The following MEGF10 variants were observed in gnomAD, a reference collection of about 807,000 sequenced individuals.
MEGF10 encodes multiple EGF like domains 10, also known as multiple epidermal growth factor-like domains protein 10.
A neutral mutation model predicts 147.5 loss-of-function variants in MEGF10; 86 were observed. That is an observed-to-expected ratio of 0.58 (90% CI 0.49 to 0.70). The LOEUF is 0.70. MEGF10 is among the 30% of genes least tolerant of loss of function. The probability of loss-of-function intolerance (pLI) is 0.00; values close to 1 mark genes in which losing one functional copy is unlikely to be tolerated. For missense variants in MEGF10, 1,329 were observed against 1,487.3 expected, an observed-to-expected ratio of 0.89 and a Z score of 1.75; for synonymous variants, 478 against 525.5, an observed-to-expected ratio of 0.91 and a Z score of 1.24.
At chr5:127,295,008 G>A (rs1759435879) in intron 1 of MEGF10, among the ~76,000 whole-genome samples, 2 of 152,012 alleles carry the variant, frequency 1.3e-5, no homozygotes, top group Non-Finnish European at 2.9e-5. Context: ...ACGTGTCAGA[G>A]CACTGGAAAG....
At chr5:127,263,081 T>C in the MEGF10 span, among the ~76,000 whole-genome samples, 1 of 152,156 alleles carries the variant, frequency 6.6e-6, no homozygotes, top group Non-Finnish European at 1.5e-5. Context: ...TTGTCTACCT[T>C]TAAAGGTATA....
chr5:127,387,591 C>G (rs1763479670), intron 5 of MEGF10, among the ~76,000 whole-genome samples: 2 of 152,156 alleles, frequency 1.3e-5, no homozygotes, highest in Non-Finnish European at 2.9e-5. Context: ...TTGGGGTGTT[C>G]AGCGTGGCAT....
At chr5:127,434,513 G>GGTTCCTTT (rs1765490493) in intron 14 of MEGF10, among the ~76,000 whole-genome samples, 174 bp from the exon 15 acceptor site, 1 of 152,056 alleles carries the variant, frequency 6.6e-6, no homozygotes. Flanking sequence ...CTCATTAAAG[G>GGTTCCTTT]GTTCCTTTGT....
chr5:127,380,192 T>C (rs1416831141), intron 5 of MEGF10, among the ~76,000 whole-genome samples: 1 of 152,058 alleles, frequency 6.6e-6, no homozygotes, highest in African/African-American at 2.4e-5. Context: ...GGGCACTCAG[T>C]TATGCTTAAT....
chr5:127,446,538 T>G (rs1765947463), intron 20 of MEGF10, among the ~76,000 whole-genome samples: 1 of 152,256 alleles, frequency 6.6e-6, no homozygotes, highest in Non-Finnish European at 1.5e-5. Context: ...AGCAGTTATC[T>G]GTGGATACTG....
At chr5:127,395,584 C>G (rs1378086250) in intron 5 of MEGF10, among the ~76,000 whole-genome samples, 1 of 142,404 alleles carries the variant, frequency 7.0e-6, no homozygotes, top group Admixed American at 7.2e-5. Context: ...TTGCTCTGTC[C>G]CCCAGGCTGG....
upstream of MEGF10, among the ~76,000 whole-genome samples, chr5:127,286,431 A>C (rs1414905543): frequency 6.6e-6 from 1 of 152,084 alleles, no homozygotes; most frequent in Non-Finnish European, 1.5e-5. Context: ...AAATATGTAA[A>C]ACATTATGTA....
intron 7 of MEGF10, among the ~76,000 whole-genome samples, chr5:127,401,568 GC>G (rs1764135731): frequency 6.6e-6 from 1 of 152,124 alleles, no homozygotes; most frequent in Admixed American, 6.5e-5. Flanking sequence ...ATTTCAGAGT[GC>G]CCACAGTCTG....
chr5:127,280,405 G>A, the MEGF10 span, among the ~76,000 whole-genome samples: 2 of 152,098 alleles, frequency 1.3e-5, no homozygotes, highest in African/African-American at 4.8e-5. Context: ...TACATGAAGT[G>A]TGTGCTCAGC....
At chr5:127,347,101 C>G (rs940044707) in intron 4 of MEGF10, among the ~76,000 whole-genome samples, 1 of 151,966 alleles carries the variant, frequency 6.6e-6, no homozygotes, top group African/African-American at 2.4e-5. Flanking sequence ...GATTTTGGAG[C>G]ATTTTGGCTT....
Position 127,460,847 on chromosome 5 carries a change from T to C in MEGF10, c.*3529T>C, listed in dbSNP as rs932609556. ...TTTTGGTCTTAAAGGCTTCACATCATGAAAGTGTACATGCATATGCAAGTG... is the reference window on the plus strand; with the variant it reads ...TTTTGGTCTTAAAGGCTTCACATCACGAAAGTGTACATGCATATGCAAGTG... On this transcript the variant is annotated 3_prime_UTR_variant, in exon 25 of 25. Transcript: ENST00000503335. 6.6e-6 allele frequency: 1 copy of C among 151,848 alleles called. No homozygotes were observed. Among genetic ancestry groups the C allele is most frequent in the Non-Finnish European group, 1.5e-5 (1 of 67,958 alleles). 9.4% of individuals were successfully genotyped at this position (151,848 alleles called of 1,614,324 possible). A position where few individuals can be genotyped will look rare whatever the true frequency, so the allele number is the denominator to read the frequency against.
chr5:127,407,902 A>G (rs1420259362), intron 8 of MEGF10, among the ~76,000 whole-genome samples: 2 of 152,260 alleles, frequency 1.3e-5, no homozygotes, highest in Admixed American at 1.3e-4. Context: ...AGAAGTAGAC[A>G]TAACTATTAT....
the MEGF10 span, among the ~76,000 whole-genome samples, chr5:127,261,132 T>C: frequency 6.6e-6 from 1 of 152,220 alleles, no homozygotes; most frequent in African/African-American, 2.4e-5. Context: ...ATTTAAAATA[T>C]ATAATGCAAT....
intron 1 of MEGF10, among the ~76,000 whole-genome samples, chr5:127,304,554 C>A (rs1816059): frequency 0.6 from 91,514 of 152,096 alleles, 27,953 homozygotes; most frequent in Middle Eastern, 0.66. Context: ...AGGGCAGTGG[C>A]ATCGTCTCAG....
At chr5:127,342,269 A>G (rs1487602666) in intron 4 of MEGF10, among the ~76,000 whole-genome samples, 2 of 152,152 alleles carry the variant, frequency 1.3e-5, no homozygotes, top group African/African-American at 4.8e-5. Context: ...CAGGCTGGCC[A>G]TTTCCCAGAG....
At chr5:127,239,518 TTA>T in the MEGF10 span, among the ~76,000 whole-genome samples, 1 of 146,314 alleles carries the variant, frequency 6.8e-6, no homozygotes, top group Non-Finnish European at 1.5e-5. Flanking sequence ...TGTATATACT[TTA>T]TATATATATA....
At chr5:127,263,152 A>G in the MEGF10 span, among the ~76,000 whole-genome samples, 1 of 152,144 alleles carries the variant, frequency 6.6e-6, no homozygotes, top group Non-Finnish European at 1.5e-5. Flanking sequence ...CTTTTAAAAG[A>G]AGGAAAGAAA....
chr5:127,370,874 A>T lies in MEGF10; in HGVS notation c.412+872A>T, dbSNP rs1005210529. Among the ~76,000 whole-genome samples, 5 of 152,328 alleles carry T rather than the reference A, an allele frequency of 3.3e-5. No individual in the cohort carries two copies. The East Asian group carries it at 9.6e-4, about 29-fold the overall frequency. ...TAAATTGTAATGCGTGAAACATTAC[A>T]TTTTGAAAAAGGAAGCCATCGTTTT... On this transcript the variant is annotated intron_variant, in intron 5 of 24. Coordinates refer to ENST00000503335, the MANE Select transcript of MEGF10 (RefSeq NM_001256545.2).
At chr5:127,388,245 C>A (rs1478928631) in intron 5 of MEGF10, among the ~76,000 whole-genome samples, 3 of 151,728 alleles carry the variant, frequency 2.0e-5, no homozygotes, top group African/African-American at 7.3e-5. Context: ...ACCTCCTGGA[C>A]TCAAGCAATC....
Sources: allele counts gnomAD v4.1 joint callset (sites outside exome capture counted in the v4.1 genomes callset), GRCh38; gene constraint gnomAD v4.1.1; transcripts MANE v1.5; gene names NCBI Gene and HGNC (gene_info 2026-07-23, HGNC 2026-07-21).